The following SPOCK3 variants were observed in gnomAD, a reference collection of about 807,000 sequenced individuals.
SPOCK3 encodes the protein testican-3.
In SPOCK3, 30 loss-of-function variants were observed where a neutral mutation model predicts 56.6. That is an observed-to-expected ratio of 0.53 (90% CI 0.40 to 0.72). SPOCK3 has a LOEUF of 0.72. Among genes scored for constraint, SPOCK3 ranks in the 30% least tolerant of loss-of-function variants. The pLI is 0.00. For synonymous variants in SPOCK3, 196 were observed against 183.3 expected (o/e 1.07, Z -0.56); for missense variants, 527 against 530.0 (o/e 0.99, Z 0.06).
At chr4:166,769,371 G>A (rs1336841167) in intron 7 of SPOCK3, among the ~76,000 whole-genome samples, 5 of 151,132 alleles carry the variant, frequency 3.3e-5, no homozygotes, top group African/African-American at 7.3e-5. Flanking sequence ...TTTTGGTGTG[G>A]ATGTCCTTTC....
intron 3 of SPOCK3, among the ~76,000 whole-genome samples, chr4:167,056,809 A>C (rs1414674304): frequency 6.6e-6 from 1 of 152,232 alleles, no homozygotes; most frequent in Non-Finnish European, 1.5e-5. Flanking sequence ...TCTACGCCTG[A>C]TTGCTGTACC....
intron 2 of SPOCK3, among the ~76,000 whole-genome samples, chr4:167,116,824 T>C (rs1761446792): frequency 7.1e-6 from 1 of 141,246 alleles, no homozygotes; most frequent in South Asian, 2.2e-4. Context: ...GATGTATATA[T>C]ATAAAAGTAT....
At chr4:167,208,559 C>A (rs1227479920) in intron 2 of SPOCK3, among the ~76,000 whole-genome samples, 1 of 152,058 alleles carries the variant, frequency 6.6e-6, no homozygotes, top group African/African-American at 2.4e-5. Context: ...CAAACATCTT[C>A]AATTCTCATT....
At chr4:167,109,379 TAAA>T (rs1561225213) in intron 2 of SPOCK3, among the ~76,000 whole-genome samples, 4 of 25,906 alleles carry the variant, frequency 1.5e-4, no homozygotes, top group Admixed American at 5.1e-4. Flanking sequence ...TATATTTATA[TAAA>T]ATATATAAAT....
chr4:166,750,947 T>C (rs1736295416), intron 8 of SPOCK3, among the ~76,000 whole-genome samples: 1 of 152,150 alleles, frequency 6.6e-6, no homozygotes, highest in Non-Finnish European at 1.5e-5. Context: ...TGGCAGCATA[T>C]GGCTGCACAG....
At chr4:167,203,788 C>G (rs1326559134) in intron 2 of SPOCK3, among the ~76,000 whole-genome samples, 6 of 152,054 alleles carry the variant, frequency 3.9e-5, no homozygotes, top group Non-Finnish European at 7.4e-5. Context: ...TGTCACAGCT[C>G]TACACATATG....
intron 6 of SPOCK3, among the ~76,000 whole-genome samples, chr4:166,844,581 G>A (rs1317765788): frequency 1.3e-5 from 2 of 152,106 alleles, no homozygotes; most frequent in African/African-American, 2.4e-5. Flanking sequence ...AGACCACCTT[G>A]GACTCAAACT....
chr4:167,112,779 A>C lies in SPOCK3; in HGVS notation c.190-50242T>G, dbSNP rs534264514. 9.9e-5 allele frequency among the ~76,000 whole-genome samples: 15 copies of C among 152,208 alleles called. No individual in the cohort carries two copies. In the East Asian group the frequency reaches 2.9e-3, roughly 29 times the overall value. On this transcript the variant is annotated intron_variant, in intron 2 of 10. Transcript: ENST00000357545. ...ATAGAAATACCATGGGGTGTCATCA[A>C]GGAGAGACCCCATCAAAAATTTCCC... is the stretch of plus-strand genomic sequence containing the variant.
At chr4:166,986,406 A>G (rs191298014) in intron 4 of SPOCK3, among the ~76,000 whole-genome samples, 71 of 152,230 alleles carry the variant, frequency 4.7e-4, no homozygotes, top group African/African-American at 1.6e-3. Flanking sequence ...ACTCCCAATG[A>G]TATCAAATAT....
chr4:166,862,512 A>G (rs1731341443), intron 6 of SPOCK3, among the ~76,000 whole-genome samples: 2 of 152,090 alleles, frequency 1.3e-5, no homozygotes, highest in Admixed American at 1.3e-4. Context: ...TTTATCTTAC[A>G]TTACAAAATA....
chr4:167,090,266 G>T (rs1291673863), intron 2 of SPOCK3, among the ~76,000 whole-genome samples: 1 of 151,938 alleles, frequency 6.6e-6, no homozygotes, highest in Non-Finnish European at 1.5e-5. Flanking sequence ...CAATTGCTCT[G>T]CACCCTCATC....
chr4:166,996,556 T>G (rs1561098939), intron 4 of SPOCK3, among the ~76,000 whole-genome samples: 1 of 152,180 alleles, frequency 6.6e-6, no homozygotes, highest in African/African-American at 2.4e-5. Flanking sequence ...TAATGGGTTA[T>G]GTTACCATAT....
intron 2 of SPOCK3, among the ~76,000 whole-genome samples, chr4:167,086,238 G>A (rs575592389): frequency 2.0e-5 from 3 of 152,136 alleles, no homozygotes; most frequent in African/African-American, 7.2e-5. Flanking sequence ...TTCATCAGAA[G>A]ACATTAATTT....
chr4:167,211,850 A>G (rs1200015866), intron 2 of SPOCK3, among the ~76,000 whole-genome samples: 3 of 152,234 alleles, frequency 2.0e-5, no homozygotes, highest in African/African-American at 4.8e-5. Context: ...AACAGACAAA[A>G]GCATACTTTT....
chr4:166,773,518 G>C (rs917849122), intron 7 of SPOCK3, among the ~76,000 whole-genome samples: 1 of 152,066 alleles, frequency 6.6e-6, no homozygotes, highest in Non-Finnish European at 1.5e-5. Flanking sequence ...TTATACCAGA[G>C]ATTGTATAAG....
At chr4:167,146,842 C>T (rs1235530836) in intron 2 of SPOCK3, among the ~76,000 whole-genome samples, 1 of 152,050 alleles carries the variant, frequency 6.6e-6, no homozygotes, top group African/African-American at 2.4e-5. Context: ...GCACTAAATG[C>T]CCACAAGAGA....
At chr4:167,088,361 T>G (rs1561202708) in intron 2 of SPOCK3, among the ~76,000 whole-genome samples, 1 of 152,104 alleles carries the variant, frequency 6.6e-6, no homozygotes, top group Non-Finnish European at 1.5e-5. Context: ...TTTTAATCTT[T>G]TCTCAGAAAC....
At chr4:167,080,644 G>A (rs1231231076) in intron 2 of SPOCK3, among the ~76,000 whole-genome samples, 1 of 151,832 alleles carries the variant, frequency 6.6e-6, no homozygotes, top group East Asian at 1.9e-4. Flanking sequence ...AAGAGTAAGT[G>A]GAATGACAAA....
intron 3 of SPOCK3, among the ~76,000 whole-genome samples, chr4:167,035,414 G>GA (rs988769777): frequency 2.5e-4 from 37 of 146,910 alleles, no homozygotes; most frequent in South Asian, 6.4e-4. Flanking sequence ...AAGATGTGAT[G>GA]AAAAAAAAAA....
Sources: gnomAD v4.1 joint callset for allele counts (sites outside exome capture counted in the v4.1 genomes callset) on GRCh38, gnomAD v4.1.1 for gene constraint, MANE v1.5 for transcripts, NCBI Gene and HGNC (gene_info 2026-07-23, HGNC 2026-07-21) for gene names.